CADM1: variants seen among roughly 807,000 people sequenced by gnomAD.
The protein encoded by CADM1 is cell adhesion molecule 1, also known as TSLC-1.
CADM1 carries 15 observed loss-of-function variants against 53.1 expected under a neutral mutation model. That is an observed-to-expected ratio of 0.28 (90% confidence interval 0.19 to 0.44). The LOEUF is 0.44. Among genes scored for constraint, CADM1 ranks in the 20% least tolerant of loss-of-function variants. CADM1 has a pLI of 1.00. For synonymous variants in CADM1, 281 were observed against 243.0 expected, an observed-to-expected ratio of 1.16 and a Z score of -1.45; for missense variants, 434 against 611.3, an observed-to-expected ratio of 0.71 and a Z score of 3.06.
intron 3 of CADM1, among the ~76,000 whole-genome samples, chr11:115,235,808 T>C (rs1941990399): frequency 6.6e-6 from 1 of 152,200 alleles, no homozygotes; most frequent in Admixed American, 6.5e-5. Context: ...TTAGCTACTA[T>C]TACCAGTAAC....
At chr11:115,449,974 A>AT (rs139244658) in intron 1 of CADM1, among the ~76,000 whole-genome samples, 28 of 149,408 alleles carry the variant, frequency 1.9e-4, no homozygotes, top group East Asian at 7.8e-4. Flanking sequence ...AAACCTGGCC[A>AT]TTTTTTTTTT....
intron 5 of CADM1, among the ~76,000 whole-genome samples, chr11:115,223,691 T>G (rs913303499): frequency 2.6e-5 from 4 of 152,176 alleles, no homozygotes; most frequent in African/African-American, 9.7e-5. Flanking sequence ...TTTTGAATAC[T>G]GGTTACTCAG....
chr11:115,327,608 C>T (rs1419289410), intron 1 of CADM1, among the ~76,000 whole-genome samples: 1 of 151,968 alleles, frequency 6.6e-6, no homozygotes, highest in Admixed American at 6.6e-5. Context: ...CAAACCTCTA[C>T]ACAACACACC....
At chr11:115,238,740 T>A in intron 2 of CADM1, 88 bp from the exon 3 acceptor site, 1 of 1,344,544 alleles carries the variant, frequency 7.4e-7, no homozygotes, top group African/African-American at 1.4e-5. Context: ...TTGCTGTATC[T>A]GATACTTCTT....
intron 8 of CADM1, among the ~76,000 whole-genome samples, chr11:115,200,292 ACAT>A: frequency 6.6e-6 from 1 of 152,202 alleles, no homozygotes; most frequent in Non-Finnish European, 1.5e-5. Context: ...CACAGATGAC[ACAT>A]TTCCTTAGTT....
chr11:115,351,220 T>A (rs1433653154), intron 1 of CADM1, among the ~76,000 whole-genome samples: 1 of 152,220 alleles, frequency 6.6e-6, no homozygotes, highest in Non-Finnish European at 1.5e-5. Context: ...GTTTGCAATT[T>A]CCTGCCACCT....
chr11:115,251,669 A>G (rs1222421701), intron 1 of CADM1, among the ~76,000 whole-genome samples: 1 of 152,222 alleles, frequency 6.6e-6, no homozygotes, highest in Admixed American at 6.5e-5. Flanking sequence ...ACTGGGGTCC[A>G]TGACTAAGGC....
At chr11:115,447,361 G>A (rs1421551653) in intron 1 of CADM1, among the ~76,000 whole-genome samples, 1 of 152,070 alleles carries the variant, frequency 6.6e-6, no homozygotes, top group Non-Finnish European at 1.5e-5. Context: ...TGTAAAATGG[G>A]ATATATAATC....
intron 1 of CADM1, among the ~76,000 whole-genome samples, chr11:115,257,664 T>C (rs1024445235): frequency 1.3e-5 from 2 of 152,238 alleles, no homozygotes; most frequent in Non-Finnish European, 2.9e-5. Flanking sequence ...AATGTAGGGC[T>C]TGTACACAGA....
At chr11:115,504,171 T>C (rs1322652107) in intron 1 of CADM1, 100 bp downstream of exon 1, 4 of 1,494,238 alleles carry the variant, frequency 2.7e-6, no homozygotes, top group Admixed American at 4.0e-5. Flanking sequence ...ATGTAGGAAG[T>C]GGGGGGAGGT....
intron 5 of CADM1, among the ~76,000 whole-genome samples, chr11:115,219,812 A>G (rs1316331812): frequency 2.0e-5 from 3 of 152,148 alleles, no homozygotes; most frequent in African/African-American, 7.2e-5. Context: ...CGTGTAACAC[A>G]CACACACTAG....
At chr11:115,298,447 G>C (rs1591684481) in intron 1 of CADM1, among the ~76,000 whole-genome samples, 1 of 152,146 alleles carries the variant, frequency 6.6e-6, no homozygotes, top group African/African-American at 2.4e-5. Context: ...TTCATGGCTT[G>C]GGGCAGAGGT....
chr11:115,499,894 T>C (rs868071901), intron 1 of CADM1, among the ~76,000 whole-genome samples: 2 of 152,352 alleles, frequency 1.3e-5, no homozygotes, highest in Middle Eastern at 3.4e-3. Context: ...TGAATATGAA[T>C]ATTGTATGTG....
chr11:115,198,502 G>C, intron 8 of CADM1, 64 bp from the exon 9 acceptor site: 4 of 1,271,066 alleles, frequency 3.1e-6, no homozygotes, highest in Non-Finnish European at 4.5e-6. Context: ...GCAAAAAAAG[G>C]GAAAATGGAA....
intron 1 of CADM1, among the ~76,000 whole-genome samples, chr11:115,460,284 C>T (rs1948767079): frequency 6.6e-6 from 1 of 152,188 alleles, no homozygotes; most frequent in African/African-American, 2.4e-5. Flanking sequence ...TCCCTTTGGC[C>T]ATGGGTATTG....
chr11:115,318,125 A>T (rs905384655), intron 1 of CADM1, among the ~76,000 whole-genome samples: 1 of 152,180 alleles, frequency 6.6e-6, no homozygotes, highest in African/African-American at 2.4e-5. Context: ...TAGCAAAGTA[A>T]AAATAATGAG....
chr11:115,343,784 G>A (rs1945507825), intron 1 of CADM1, among the ~76,000 whole-genome samples: 1 of 150,774 alleles, frequency 6.6e-6, no homozygotes, highest in Non-Finnish European at 1.5e-5. Context: ...CACAAGACCT[G>A]AGTCTCAGGC....
At chr11:115,404,346 A>AAAAAAT (rs1947251974) in intron 1 of CADM1, among the ~76,000 whole-genome samples, 5 of 33,782 alleles carry the variant, frequency 1.5e-4, no homozygotes, top group African/African-American at 4.1e-4. Context: ...AAAAAAAAAA[A>AAAAAAT]ATATATATAT....
At chr11:115,335,716 G>A (rs1945250731) in intron 1 of CADM1, among the ~76,000 whole-genome samples, 1 of 152,192 alleles carries the variant, frequency 6.6e-6, no homozygotes, top group South Asian at 2.1e-4. Flanking sequence ...GAAAATATTA[G>A]TTCACTGAGT....
Sources: allele counts gnomAD v4.1 joint callset (sites outside exome capture counted in the v4.1 genomes callset), GRCh38; gene constraint gnomAD v4.1.1; transcripts MANE v1.5; gene names NCBI Gene and HGNC (gene_info 2026-07-23, HGNC 2026-07-21).